Variants in CADM2 observed in about 807,000 individuals in gnomAD.
The protein encoded by CADM2 is cell adhesion molecule 2.
A neutral mutation model predicts 49.8 loss-of-function variants in CADM2; 12 were observed. The observed-to-expected ratio is 0.24, with a 90% CI of 0.15 to 0.39. The LOEUF is 0.39. Ranked by LOEUF, CADM2 falls within the 10% of genes least tolerant of loss-of-function variation. The pLI is 1.00. For synonymous variants in CADM2, 214 were observed against 175.4 expected, an observed-to-expected ratio of 1.22 and a Z score of -1.74; for missense variants, 378 against 492.3, an observed-to-expected ratio of 0.77 and a Z score of 2.20.
chr3:85,650,521 C>A lies in CADM2; in HGVS notation c.62-76001C>A, dbSNP rs553036958. On this transcript the variant is annotated intron_variant, in intron 1 of 9. Coordinates refer to ENST00000383699, the MANE Select transcript of CADM2 (RefSeq NM_001167675.2). ...TTAAGTGATCAGAAAAAAAAAAAAA[C>A]CTCCAAAGAGAAATGCCAAAATGCT... 4.1e-3 allele frequency among the ~76,000 whole-genome samples: 535 copies of A among 130,044 alleles called. 8 individuals carry two copies. The highest frequency in any genetic ancestry group is 0.012 in the African/African-American group (445 of 35,690). The allele number at this position is 130,044 out of a possible 152,430, so 85.3% of individuals were successfully genotyped here. A position where few individuals can be genotyped will look rare whatever the true frequency, so the allele number is the denominator to read the frequency against.
chr3:85,188,191 A>C (rs1329695159), intron 1 of CADM2, among the ~76,000 whole-genome samples: 1 of 152,116 alleles, frequency 6.6e-6, no homozygotes, highest in African/African-American at 2.4e-5. Context: ...TGTGATTTTA[A>C]AATGTTTTCA....
chr3:85,418,204 G>T (rs2036000958), intron 1 of CADM2, among the ~76,000 whole-genome samples: 2 of 120,982 alleles, frequency 1.7e-5, no homozygotes, highest in Non-Finnish European at 3.7e-5. Context: ...GCATAATAAA[G>T]TAATGGTAGC....
At chr3:85,288,964 G>T (rs2043706755) in intron 1 of CADM2, among the ~76,000 whole-genome samples, 1 of 151,968 alleles carries the variant, frequency 6.6e-6, no homozygotes, top group Non-Finnish European at 1.5e-5. Flanking sequence ...CATTTTTATG[G>T]ATGGAAACAT....
At chr3:85,406,603 A>G (rs2035390532) in intron 1 of CADM2, among the ~76,000 whole-genome samples, 1 of 152,114 alleles carries the variant, frequency 6.6e-6, no homozygotes, top group Non-Finnish European at 1.5e-5. Flanking sequence ...TATGTCTAAG[A>G]TTCAACTCAG....
intron 1 of CADM2, among the ~76,000 whole-genome samples, chr3:85,030,074 C>T (rs1371360631): frequency 6.6e-6 from 1 of 152,140 alleles, no homozygotes; most frequent in Non-Finnish European, 1.5e-5. Flanking sequence ...CAACCCACTC[C>T]TCTGGTCCCC....
At chr3:85,415,081 G>T (rs1329586714) in intron 1 of CADM2, among the ~76,000 whole-genome samples, 1 of 152,088 alleles carries the variant, frequency 6.6e-6, no homozygotes, top group Non-Finnish European at 1.5e-5. Context: ...ATTCTAAACC[G>T]CTGAGACTTT....
At chr3:85,290,920 G>A (rs1473867030) in intron 1 of CADM2, among the ~76,000 whole-genome samples, 29 of 152,196 alleles carry the variant, frequency 1.9e-4, no homozygotes, top group Admixed American at 9.8e-4. Flanking sequence ...CACCAGCAAC[G>A]GAACAAAGCT....
intron 1 of CADM2, among the ~76,000 whole-genome samples, chr3:85,225,953 A>G (rs1013427175): frequency 2.0e-5 from 3 of 152,182 alleles, no homozygotes; most frequent in African/African-American, 7.2e-5. Context: ...GATGAAGCCG[A>G]CTTCATCGTG....
At chr3:85,780,926 G>A (rs1326147273) in intron 2 of CADM2, among the ~76,000 whole-genome samples, 1 of 152,088 alleles carries the variant, frequency 6.6e-6, no homozygotes, top group East Asian at 1.9e-4. Context: ...GAATTGGAAA[G>A]TGCTTGTTCC....
At chr3:85,819,616 AT>A (rs1315931560) in intron 3 of CADM2, among the ~76,000 whole-genome samples, 1 of 152,170 alleles carries the variant, frequency 6.6e-6, no homozygotes, top group Non-Finnish European at 1.5e-5. Context: ...CATCAAGGAA[AT>A]TAATTATAAT....
chr3:85,801,994 T>C, intron 2 of CADM2, 53 bp from the exon 3 acceptor site: 1 of 1,334,566 alleles, frequency 7.5e-7, no homozygotes, highest in Non-Finnish European at 9.9e-7. Context: ...TCTTAGGCAG[T>C]TAATCATTTT....
At chr3:85,926,414 C>G (rs1035662855) in intron 6 of CADM2, among the ~76,000 whole-genome samples, 5 of 151,962 alleles carry the variant, frequency 3.3e-5, no homozygotes, top group Admixed American at 6.6e-5. Flanking sequence ...TGAAATTGTA[C>G]TCAGATGAGA....
intron 3 of CADM2, among the ~76,000 whole-genome samples, chr3:85,821,039 T>C (rs1331152384): frequency 6.6e-6 from 1 of 152,178 alleles, no homozygotes; most frequent in African/African-American, 2.4e-5. Context: ...TTGCAAGAGT[T>C]TTGACTTTCA....
intron 1 of CADM2, among the ~76,000 whole-genome samples, chr3:85,342,518 A>T (rs1559789488): frequency 6.6e-6 from 1 of 152,074 alleles, no homozygotes; most frequent in Non-Finnish European, 1.5e-5. Context: ...AGAAAATGTT[A>T]TGTGGCAGAG....
At chr3:85,771,092 GA>G (rs1350118972) in intron 2 of CADM2, among the ~76,000 whole-genome samples, 1 of 152,026 alleles carries the variant, frequency 6.6e-6, no homozygotes, top group Non-Finnish European at 1.5e-5. Flanking sequence ...TTAAGAATTA[GA>G]AAACAATAAC....
At chr3:85,872,550 T>A (rs2075969301) in intron 3 of CADM2, among the ~76,000 whole-genome samples, 1 of 151,968 alleles carries the variant, frequency 6.6e-6, no homozygotes, top group Non-Finnish European at 1.5e-5. Context: ...TCAGTCACTT[T>A]CATTTGCCCC....
chr3:85,312,782 A>T (rs2044377853), intron 1 of CADM2, among the ~76,000 whole-genome samples: 1 of 152,330 alleles, frequency 6.6e-6, no homozygotes, highest in Non-Finnish European at 1.5e-5. Flanking sequence ...AAGAGATAAA[A>T]TGAATTTTAA....
intron 1 of CADM2, among the ~76,000 whole-genome samples, chr3:85,535,835 A>G (rs1462107750): frequency 6.6e-6 from 1 of 152,114 alleles, no homozygotes; most frequent in Non-Finnish European, 1.5e-5. Context: ...GGTTAGATGA[A>G]AAAAGGAAGC....
At chr3:84,964,936 A>G (rs1002548338) in intron 1 of CADM2, among the ~76,000 whole-genome samples, 1 of 152,178 alleles carries the variant, frequency 6.6e-6, no homozygotes, top group Non-Finnish European at 1.5e-5. Flanking sequence ...GGTTTATGAA[A>G]GTTATCCTAA....
Sources: allele counts gnomAD v4.1 joint callset (sites outside exome capture counted in the v4.1 genomes callset), GRCh38; gene constraint gnomAD v4.1.1; transcripts MANE v1.5; gene names NCBI Gene and HGNC (gene_info 2026-07-23, HGNC 2026-07-21).